KLHL29: variants seen among roughly 807,000 people sequenced by gnomAD.
KLHL29 encodes the protein kelch like family member 29, also known as kelch-like protein 29.
In KLHL29, 21 loss-of-function variants were observed where a neutral mutation model predicts 80.4. The observed-to-expected ratio is 0.26, with a 90% CI of 0.19 to 0.38. KLHL29 has a LOEUF of 0.38. KLHL29 is among the 10% of genes least tolerant of loss of function. The probability of loss-of-function intolerance (pLI) is 1.00; values close to 1 mark genes in which losing one functional copy is unlikely to be tolerated. For synonymous variants in KLHL29, 511 were observed against 526.8 expected (o/e 0.97, Z 0.41); for missense variants, 867 against 1,223.9 (o/e 0.71, Z 4.35).
chr2:23,635,489 C>T (rs1209947733), intron 3 of KLHL29, among the ~76,000 whole-genome samples: 1 of 152,250 alleles, frequency 6.6e-6, no homozygotes, highest in African/African-American at 2.4e-5. Flanking sequence ...GTGCCTCCCC[C>T]TCTGCGCTGC....
intron 3 of KLHL29, among the ~76,000 whole-genome samples, chr2:23,592,585 C>T (rs1234527094): frequency 6.6e-6 from 1 of 152,252 alleles, no homozygotes; most frequent in East Asian, 1.9e-4. Context: ...GCCTGGGTCT[C>T]CTCTGAAGTC....
intron 6 of KLHL29, chr2:23,691,385 C>T: frequency 4.3e-6 from 2 of 464,418 alleles, no homozygotes; most frequent in Non-Finnish European, 7.9e-6. Context: ...TGAGGCCAGT[C>T]CTGGTCCTCG....
rs1413706374 is a variant in KLHL29 at position 23,490,234 on chromosome 2, A to G, written c.-46+14567A>G. Among the ~76,000 whole-genome samples the G allele has an allele frequency of 2.6e-5, 4 of 152,190 alleles. No individual in the cohort carries two copies. The East Asian group carries it at 5.8e-4, about 22-fold the overall frequency. On this transcript the variant is annotated intron_variant, in intron 2 of 13. Coordinates refer to ENST00000486442, the MANE Select transcript of KLHL29 (RefSeq NM_052920.2). ...CACTTGTTTCTGCTAAAGATAAGCT[A>G]TTTTGTAGGCCATTGAAGCCAATTC...
At chr2:23,591,448 G>A (rs912217499) in intron 3 of KLHL29, among the ~76,000 whole-genome samples, 4 of 150,652 alleles carry the variant, frequency 2.7e-5, no homozygotes, top group South Asian at 2.1e-4. Flanking sequence ...CTTCCCCCAC[G>A]TGACTCTTCA....
chr2:23,610,043 TCC>T (rs1668821038), intron 3 of KLHL29, among the ~76,000 whole-genome samples: 1 of 151,882 alleles, frequency 6.6e-6, no homozygotes, highest in Non-Finnish European at 1.5e-5. Flanking sequence ...CCCCTGACAG[TCC>T]CTCAGGGATC....
intron 3 of KLHL29, among the ~76,000 whole-genome samples, chr2:23,638,839 G>A (rs938585069): frequency 4.6e-5 from 7 of 152,192 alleles, no homozygotes; most frequent in African/African-American, 7.2e-5. Context: ...TGCTCTTCCC[G>A]TTGTGATAGG....
At chr2:23,559,638 T>C (rs1667393771) in intron 2 of KLHL29, among the ~76,000 whole-genome samples, 1 of 152,050 alleles carries the variant, frequency 6.6e-6, no homozygotes, top group Non-Finnish European at 1.5e-5. Flanking sequence ...GATGGGTGTT[T>C]GGGCGAAGGA....
intron 3 of KLHL29, among the ~76,000 whole-genome samples, chr2:23,584,910 T>G (rs1048852727): frequency 6.6e-6 from 1 of 152,138 alleles, no homozygotes; most frequent in Non-Finnish European, 1.5e-5. Flanking sequence ...CTAATTTTTG[T>G]ATTTTTAGTG....
chr2:23,637,616 C>T (rs1157696966), intron 3 of KLHL29, among the ~76,000 whole-genome samples: 1 of 152,186 alleles, frequency 6.6e-6, no homozygotes, highest in East Asian at 1.9e-4. Context: ...ATACGGCTCC[C>T]GTTCCTCCAG....
At chr2:23,432,732 C>T (rs1035096951) in intron 1 of KLHL29, among the ~76,000 whole-genome samples, 1 of 152,198 alleles carries the variant, frequency 6.6e-6, no homozygotes, top group African/African-American at 2.4e-5. Context: ...AGGAGCTGTG[C>T]AGGTGCTGAG....
chr2:23,475,102 G>A (rs956022092), intron 1 of KLHL29, among the ~76,000 whole-genome samples: 1 of 151,550 alleles, frequency 6.6e-6, no homozygotes, highest in African/African-American at 2.4e-5. Context: ...ATTTGTTTTT[G>A]TAATTCTAGA....
chr2:23,388,873 T>C lies in KLHL29; in HGVS notation c.-154+3093T>C, dbSNP rs139392229. Among the ~76,000 whole-genome samples the C allele has an allele frequency of 6.0e-4, 91 of 152,146 alleles. 1 individual carries two copies. In the East Asian group the frequency reaches 0.015, roughly 25 times the overall value. On this transcript the variant is annotated intron_variant, in intron 1 of 13. Transcript: ENST00000486442. ...TTTTTCTTTCTTTCAGCAGGCTTAC[T>C]GTAAAGCTTTCTCACTTTTTGGCTG...
At chr2:23,555,024 G>T (rs1338422553) in intron 2 of KLHL29, among the ~76,000 whole-genome samples, 1 of 152,126 alleles carries the variant, frequency 6.6e-6, no homozygotes, top group Non-Finnish European at 1.5e-5. Context: ...GGACATGAGG[G>T]CACTTGAGCC....
At chr2:23,577,352 G>A (rs866646179) in intron 3 of KLHL29, among the ~76,000 whole-genome samples, 11 of 152,304 alleles carry the variant, frequency 7.2e-5, no homozygotes, top group Middle Eastern at 3.4e-3. Flanking sequence ...TCGGGATGCT[G>A]AGGCAGGAGA....
chr2:23,551,530 C>T (rs1310745173), intron 2 of KLHL29, among the ~76,000 whole-genome samples: 1 of 152,152 alleles, frequency 6.6e-6, no homozygotes, highest in East Asian at 1.9e-4. Context: ...GAAATGGAAT[C>T]GGTGGCATTT....
At chr2:23,465,041 A>AT (rs1298211392) in intron 1 of KLHL29, among the ~76,000 whole-genome samples, 1 of 152,136 alleles carries the variant, frequency 6.6e-6, no homozygotes, top group African/African-American at 2.4e-5. Context: ...TTGCTTCTCA[A>AT]TGTTATTTTT....
chr2:23,453,621 C>G (rs767129095), intron 1 of KLHL29, among the ~76,000 whole-genome samples: 1 of 152,142 alleles, frequency 6.6e-6, no homozygotes, highest in Admixed American at 6.5e-5. Context: ...CTCTGGGCAC[C>G]CTGAGAAATG....
In KLHL29 at chr2:23,666,325, G is replaced by A. The variant is rs538715867; in HGVS notation, c.941-18074G>A. Among the ~76,000 whole-genome samples the A allele has an allele frequency of 4.6e-5, 7 of 152,296 alleles. 1 individual carries two copies. In the South Asian group the frequency reaches 8.3e-4, roughly 18 times the overall value. ...TCCCCAAAACCAGGGCAGGGGTCTC[G>A]GGTGGATCTTCAGAGCCACATCCCA... is the stretch of plus-strand genomic sequence containing the variant. On this transcript the variant is annotated intron_variant, in intron 5 of 13. Coordinates refer to ENST00000486442, the MANE Select transcript of KLHL29 (RefSeq NM_052920.2).
chr2:23,695,386 G>T lies in KLHL29; in HGVS notation c.1543-237G>T, dbSNP rs1341353322. Among the ~76,000 whole-genome samples, 1 of 152,056 alleles carries T rather than the reference G, an allele frequency of 6.6e-6. No individual in the cohort carries two copies. The highest frequency in any genetic ancestry group is 1.5e-5 in the Non-Finnish European group (1 of 67,996). On this transcript the variant is annotated intron_variant, in intron 8 of 13. Transcript: ENST00000486442. This position sits in a 1 kb window ranked among gnomAD's most constrained non-coding sequence, Gnocchi z 7.6. ...GAACACATGCTCCCACTCCTGCAGGGCTGGCTGCAGCCTGCCAGCCTCCCC... is the reference window on the plus strand; with the variant it reads ...GAACACATGCTCCCACTCCTGCAGGTCTGGCTGCAGCCTGCCAGCCTCCCC...
Sources: allele counts gnomAD v4.1 joint callset (sites outside exome capture counted in the v4.1 genomes callset), GRCh38; gene constraint gnomAD v4.1.1; non-coding constraint Gnocchi (gnomAD v3.1); transcripts MANE v1.5; gene names NCBI Gene and HGNC (gene_info 2026-07-23, HGNC 2026-07-21).